EXT1: variants seen among roughly 807,000 people sequenced by gnomAD.
The protein encoded by EXT1 is exostosin glycosyltransferase 1.
Under a neutral mutation model 82.5 loss-of-function variants are expected in EXT1, and 20 were observed. The ratio of observed to expected loss-of-function variants is 0.24; its 90% confidence interval spans 0.17 to 0.35. The LOEUF is 0.35. Ranked by LOEUF, EXT1 falls within the 10% of genes least tolerant of loss-of-function variation. The pLI is 1.00. For missense variants in EXT1, 757 were observed against 936.5 expected (o/e 0.81, Z 2.50); for synonymous variants, 348 against 350.8 (o/e 0.99, Z 0.09).
intron 1 of EXT1, among the ~76,000 whole-genome samples, chr8:118,013,632 G>A (rs969220979): frequency 1.3e-5 from 2 of 152,194 alleles, no homozygotes; most frequent in Non-Finnish European, 2.9e-5. Flanking sequence ...TCAGAAGTCA[G>A]AAAGTACGAT....
At chr8:117,882,717 C>A (rs1335114228) in intron 1 of EXT1, among the ~76,000 whole-genome samples, 1 of 152,032 alleles carries the variant, frequency 6.6e-6, no homozygotes, top group African/African-American at 2.4e-5. Flanking sequence ...TGGCTCATGC[C>A]TGTAATCCCA....
At chr8:117,905,100 T>C (rs183736994) in intron 1 of EXT1, among the ~76,000 whole-genome samples, 20 of 152,106 alleles carry the variant, frequency 1.3e-4, no homozygotes, top group African/African-American at 4.8e-4. Context: ...AAGAAAAAAA[T>C]TAAATCAAAA....
chr8:117,868,088 C>T (rs10093804), intron 1 of EXT1, among the ~76,000 whole-genome samples: 5,325 of 152,216 alleles, frequency 0.035, 324 homozygotes, highest in African/African-American at 0.12. Flanking sequence ...CAGGGATCAC[C>T]ACCAGCCACC....
rs1365815141 is a variant in EXT1, at chr8:117,799,680, C to G, written c.*32G>C. The stretch of plus-strand genomic sequence containing the variant: ...GAGAGCAGCTTGACCCCCATCCCTT[C>G]TTGCTTCCCCTCCCCCACTCAGCCG... On this transcript the variant is annotated 3_prime_UTR_variant, in exon 11 of 11. Transcript: ENST00000378204. 1 of 1,613,486 alleles carries G rather than the reference C, an allele frequency of 6.2e-7. No individual in the cohort carries two copies. Among genetic ancestry groups the G allele is most frequent in the Admixed American group, 1.7e-5 (1 of 59,976 alleles).
chr8:118,052,481 G>A (rs1816732854), intron 1 of EXT1, among the ~76,000 whole-genome samples: 1 of 152,094 alleles, frequency 6.6e-6, no homozygotes, highest in Non-Finnish European at 1.5e-5. Flanking sequence ...TAACAAGAAT[G>A]CCAAATGAAC....
rs905281147 is a variant in EXT1, at chr8:117,799,828, C to A, written c.2125G>T (p.Ala709Ser). 4 of 1,614,040 alleles carry A rather than the reference C, an allele frequency of 2.5e-6. No individual in the cohort carries two copies. Among genetic ancestry groups the A allele is most frequent in the Non-Finnish European group, 3.4e-6 (4 of 1,180,054 alleles). The change falls in exon 11 of 11, where the codon GCC becomes TCC. Residue 709 changes from alanine to serine, a missense_variant. Physicochemically the swap from Ala to Ser is moderately conservative, Grantham distance 99 (BLOSUM62 1). This residue lies in a region of EXT1 where 128 missense variants were observed against 223.2 expected (regional missense o/e 0.57). Coordinates refer to ENST00000378204, the MANE Select transcript of EXT1 (RefSeq NM_000127.3). ...AQRQSCMNTF[A>S]SWFGYMPLIH... The stretch of plus-strand genomic sequence containing the variant: ...AGCGGCATGTAGCCAAACCAGCTGG[C>A]AAACGTATTCATGCAGCTCTGTCGC...
intron 1 of EXT1, among the ~76,000 whole-genome samples, chr8:117,980,697 G>GTTTTTTTT (rs1491146564): frequency 0.025 from 696 of 27,440 alleles, 125 homozygotes; most frequent in East Asian, 0.037. Flanking sequence ...GGGTGTTGGT[G>GTTTTTTTT]GTTTTTTTTT....
At chr8:117,940,698 T>C (rs1411557663) in intron 1 of EXT1, among the ~76,000 whole-genome samples, 1 of 152,168 alleles carries the variant, frequency 6.6e-6, no homozygotes, top group Non-Finnish European at 1.5e-5. Context: ...GGTAACATCA[T>C]TAGTTCAGAA....
At chr8:117,844,924 C>G (rs1316110681) in intron 1 of EXT1, among the ~76,000 whole-genome samples, 2 of 152,178 alleles carry the variant, frequency 1.3e-5, no homozygotes, top group Admixed American at 1.3e-4. Flanking sequence ...AACTGCCACA[C>G]CACTCCCCAC....
At position 117,930,293 on chromosome 8, in the gene EXT1, G is replaced by A. The variant is rs115755737; in HGVS notation, c.963-93092C>T. Among the ~76,000 whole-genome samples, 553 of 152,148 alleles carry A rather than the reference G, an allele frequency of 3.6e-3. 3 individuals are homozygous for A. Among genetic ancestry groups the A allele is most frequent in the African/African-American group, 0.012 (486 of 41,506 alleles). On this transcript the variant is annotated intron_variant, in intron 1 of 10. Coordinates refer to ENST00000378204, the MANE Select transcript of EXT1 (RefSeq NM_000127.3). ...AAGTACCAAATGAAATGTGGGGAGC[G>A]GAAGGGTGGAGAATGACAAGTGTCA... is the stretch of plus-strand genomic sequence containing the variant.
intron 1 of EXT1, among the ~76,000 whole-genome samples, chr8:117,999,166 G>A (rs1414677606): frequency 6.6e-6 from 1 of 152,106 alleles, no homozygotes; most frequent in East Asian, 1.9e-4. Context: ...CCTTACTTTA[G>A]GGCTGAAAAC....
Position 117,830,279 on chromosome 8 carries a change from C to G in EXT1, c.1235G>C (p.Trp412Ser). The change falls in exon 4 of 11, where the codon TGG becomes TCG. Residue 412 changes from tryptophan (W) to serine (S), a missense_variant. Physicochemically the swap from Trp to Ser is radical, Grantham distance 177. Around this residue, in one of 4 missense-constraint regions of EXT1, gnomAD observed 207 missense variants for 224.2 expected, o/e 0.92. Coordinates refer to ENST00000378204, the MANE Select transcript of EXT1 (RefSeq NM_000127.3). ...CTCAACTGAAGAAAAATAAGCCTCC[C>G]ACAAGAATTGTGTCTGCTGTCTAAG... The part of the protein sequence containing the change: ...LALRQQTQFL[W>S]EAYFSSVEKI... 6.2e-7 allele frequency: 1 copy of G among 1,614,060 alleles called. No homozygotes were observed. Among genetic ancestry groups the G allele is most frequent in the Non-Finnish European group, 8.5e-7 (1 of 1,179,998 alleles).
intron 1 of EXT1, among the ~76,000 whole-genome samples, chr8:117,895,613 T>C (rs763136528): frequency 6.6e-6 from 1 of 152,168 alleles, no homozygotes; most frequent in African/African-American, 2.4e-5. Context: ...CTTCCAATAA[T>C]AATGCCAATT....
At chr8:117,947,135 G>A (rs923570688) in intron 1 of EXT1, among the ~76,000 whole-genome samples, 1 of 152,152 alleles carries the variant, frequency 6.6e-6, no homozygotes, top group Non-Finnish European at 1.5e-5. Context: ...ATTACACACA[G>A]ATGTGTGTAA....
chr8:118,058,709 T>C (rs1156257296), intron 1 of EXT1, among the ~76,000 whole-genome samples: 1 of 152,178 alleles, frequency 6.6e-6, no homozygotes, highest in Non-Finnish European at 1.5e-5. Context: ...TAACATGATA[T>C]AGATTAAATA....
At chr8:117,885,494 CAAAAAAAAA>C (rs11300586) in intron 1 of EXT1, among the ~76,000 whole-genome samples, 1 of 103,390 alleles carries the variant, frequency 9.7e-6, no homozygotes, top group East Asian at 2.9e-4. Context: ...AAGTAACAGA[CAAAAAAAAA>C]AAAAAAAAAG....
At chr8:118,051,492 T>A (rs895679561) in intron 1 of EXT1, among the ~76,000 whole-genome samples, 1 of 152,152 alleles carries the variant, frequency 6.6e-6, no homozygotes. Flanking sequence ...ATAAAGCCAG[T>A]TTTAAAAAAG....
intron 1 of EXT1, among the ~76,000 whole-genome samples, chr8:117,855,435 T>C (rs1345342157): frequency 2.6e-5 from 4 of 152,178 alleles, no homozygotes; most frequent in Admixed American, 6.5e-5. Flanking sequence ...TGATCAATGC[T>C]CTTTGATATG....
chr8:117,898,566 G>A (rs913834331), intron 1 of EXT1, among the ~76,000 whole-genome samples: 7 of 152,124 alleles, frequency 4.6e-5, no homozygotes, highest in Non-Finnish European at 7.4e-5. Context: ...AGTTGAATTC[G>A]AACTTATTTT....
Sources: allele counts gnomAD v4.1 joint callset (sites outside exome capture counted in the v4.1 genomes callset), GRCh38; gene constraint gnomAD v4.1.1; regional missense constraint gnomAD v4.1.1; transcripts MANE v1.5; gene names NCBI Gene and HGNC (gene_info 2026-07-23, HGNC 2026-07-21).